CCSER1: variants seen among roughly 807,000 people sequenced by gnomAD.
CCSER1 encodes serine-rich coiled-coil domain-containing protein 1.
CCSER1 carries 41 observed loss-of-function variants against 82.0 expected under a neutral mutation model. The ratio of observed to expected loss-of-function variants is 0.50; its 90% CI spans 0.39 to 0.65. The LOEUF (loss-of-function observed/expected upper bound fraction) is 0.65. Ranked by LOEUF, CCSER1 falls within the 30% of genes least tolerant of loss-of-function variation. The pLI, the probability that CCSER1 is intolerant of heterozygous loss-of-function variation, is 0.00. For synonymous variants in CCSER1, 414 were observed against 383.9 expected, an observed-to-expected ratio of 1.08 and a Z score of -0.92; for missense variants, 1,119 against 1,064.2, an observed-to-expected ratio of 1.05 and a Z score of -0.72.
At chr4:91,045,973 G>T (rs1279363225) in intron 9 of CCSER1, among the ~76,000 whole-genome samples, 2 of 151,206 alleles carry the variant, frequency 1.3e-5, no homozygotes, top group Non-Finnish European at 2.9e-5. Context: ...TTCTCTGGCC[G>T]GCAGGGGCAG....
intron 7 of CCSER1, among the ~76,000 whole-genome samples, chr4:90,775,956 C>T (rs920566176): frequency 1.3e-5 from 2 of 151,450 alleles, no homozygotes; most frequent in Non-Finnish European, 2.9e-5. Context: ...ATTAGGAGGC[C>T]TGACTTTGGC....
chr4:91,158,715 G>A (rs1344324009), intron 10 of CCSER1, among the ~76,000 whole-genome samples: 1 of 151,746 alleles, frequency 6.6e-6, no homozygotes, highest in Admixed American at 6.6e-5. Flanking sequence ...GGCCTTGTAA[G>A]ACTTTAGTTT....
At chr4:91,298,948 C>G (rs1744447020) in intron 10 of CCSER1, among the ~76,000 whole-genome samples, 2 of 151,918 alleles carry the variant, frequency 1.3e-5, no homozygotes, top group South Asian at 4.1e-4. Context: ...AGCAGCAGCA[C>G]CAGCAGCAGC....
chr4:90,895,090 T>A (rs556287190), intron 8 of CCSER1, among the ~76,000 whole-genome samples: 1 of 152,032 alleles, frequency 6.6e-6, no homozygotes, highest in East Asian at 1.9e-4. Context: ...TTAAGACAGT[T>A]CAAAATGAAA....
intron 10 of CCSER1, among the ~76,000 whole-genome samples, chr4:91,549,830 GTC>G: frequency 6.6e-6 from 1 of 151,020 alleles, no homozygotes; most frequent in Middle Eastern, 3.4e-3. Flanking sequence ...GCCAGACCCT[GTC>G]TCAAAAAAAT....
At chr4:90,930,910 T>TTATTTATA (rs1554045604) in intron 9 of CCSER1, among the ~76,000 whole-genome samples, 3 of 109,650 alleles carry the variant, frequency 2.7e-5, no homozygotes, top group African/African-American at 9.3e-5. Context: ...TATCCTTATT[T>TTATTTATA]TATATATATA....
chr4:91,484,489 T>C lies in CCSER1; in HGVS notation c.2218-114083T>C, dbSNP rs192523881. On this transcript the variant is annotated intron_variant, in intron 10 of 10. Coordinates refer to ENST00000509176, the MANE Select transcript of CCSER1 (RefSeq NM_001145065.2). Reference sequence around the variant, plus strand: ...TGAATCCATTCTGGCTTCTATAGCATATTTGAAGAATGATAGTTAACAACA... The same window carrying C: ...TGAATCCATTCTGGCTTCTATAGCACATTTGAAGAATGATAGTTAACAACA... 1.8e-4 allele frequency among the ~76,000 whole-genome samples: 27 copies of C among 152,342 alleles called. No individual in the cohort carries two copies. In the East Asian group the frequency reaches 5.2e-3, roughly 29 times the overall value.
intron 5 of CCSER1, among the ~76,000 whole-genome samples, chr4:90,471,120 A>G (rs1764338342): frequency 6.6e-6 from 1 of 152,216 alleles, no homozygotes; most frequent in East Asian, 1.9e-4. Flanking sequence ...ATATACTGAA[A>G]TATAATGCAT....
chr4:90,641,392 T>C (rs1726484503), intron 6 of CCSER1, among the ~76,000 whole-genome samples: 2 of 152,178 alleles, frequency 1.3e-5, no homozygotes, highest in Admixed American at 6.6e-5. Flanking sequence ...GGAAGGCATG[T>C]GCAGTTACGA....
intron 1 of CCSER1, among the ~76,000 whole-genome samples, chr4:90,158,522 G>A (rs974534575): frequency 2.2e-4 from 34 of 152,332 alleles, no homozygotes; most frequent in African/African-American, 8.2e-4. Flanking sequence ...GAGCTGTGGT[G>A]GGCTCCACCC....
intron 5 of CCSER1, among the ~76,000 whole-genome samples, chr4:90,588,021 A>T (rs1782225612): frequency 6.6e-6 from 1 of 152,234 alleles, no homozygotes; most frequent in Non-Finnish European, 1.5e-5. Context: ...TGTCTAAAAA[A>T]GTCCATACTT....
chr4:91,374,348 G>T (rs1381517398), intron 10 of CCSER1, among the ~76,000 whole-genome samples: 1 of 152,112 alleles, frequency 6.6e-6, no homozygotes, highest in Non-Finnish European at 1.5e-5. Context: ...TAACGCAGCT[G>T]GTAACTATAC....
chr4:90,629,164 T>A (rs796669845), intron 6 of CCSER1, among the ~76,000 whole-genome samples: 32 of 152,254 alleles, frequency 2.1e-4, no homozygotes, highest in African/African-American at 7.0e-4. Context: ...ATAATAATGC[T>A]AGCAGCTACC....
chr4:90,940,952 G>A (rs9683704), intron 9 of CCSER1, among the ~76,000 whole-genome samples: 116,242 of 152,006 alleles, frequency 0.76, 44,978 homozygotes, highest in African/African-American at 0.86. Flanking sequence ...AGAATTAAAT[G>A]TGATGTATGC....
At chr4:90,648,135 T>C (rs1036491076) in intron 6 of CCSER1, among the ~76,000 whole-genome samples, 10 of 151,930 alleles carry the variant, frequency 6.6e-5, no homozygotes, top group African/African-American at 1.9e-4. Flanking sequence ...ACCGTAGTTA[T>C]AGAATTCAGT....
chr4:90,692,963 C>G (rs1736290273), intron 6 of CCSER1, among the ~76,000 whole-genome samples: 1 of 151,702 alleles, frequency 6.6e-6, no homozygotes, highest in African/African-American at 2.4e-5. Context: ...ATGTTTGTCT[C>G]TTTATTTGTG....
chr4:91,297,823 TG>T (rs752483920), intron 10 of CCSER1, among the ~76,000 whole-genome samples: 4 of 151,902 alleles, frequency 2.6e-5, no homozygotes, highest in Non-Finnish European at 4.4e-5. Context: ...AAAGGAGAAT[TG>T]GGGTACTTGA....
chr4:90,214,160 T>C (rs2153416330), intron 1 of CCSER1, among the ~76,000 whole-genome samples: 1 of 152,192 alleles, frequency 6.6e-6, no homozygotes, highest in East Asian at 1.9e-4. Flanking sequence ...AGTGCAAATA[T>C]GGGAGAGCTG....
chr4:90,766,190 A>G (rs1751192329), intron 7 of CCSER1, among the ~76,000 whole-genome samples: 1 of 152,158 alleles, frequency 6.6e-6, no homozygotes, highest in Non-Finnish European at 1.5e-5. Context: ...CCTATCAACC[A>G]GCCTACTTAT....
Sources: allele counts gnomAD v4.1 joint callset (sites outside exome capture counted in the v4.1 genomes callset), GRCh38; gene constraint gnomAD v4.1.1; transcripts MANE v1.5; gene names NCBI Gene and HGNC (gene_info 2026-07-23, HGNC 2026-07-21).